Variants in CPLANE1 observed in about 807,000 individuals in gnomAD.
CPLANE1 encodes the protein ciliogenesis and planar polarity effector 1.
CPLANE1 carries 263 observed loss-of-function variants against 362.5 expected under a neutral mutation model. That is an observed-to-expected ratio of 0.73 (90% CI 0.66 to 0.80). CPLANE1 has a LOEUF of 0.80. CPLANE1 is among the 30% of genes least tolerant of loss of function. CPLANE1 has a pLI of 0.00. For synonymous variants in CPLANE1, 1,212 were observed against 1,302.6 expected, an observed-to-expected ratio of 0.93 and a Z score of 1.50; for missense variants, 3,461 against 3,793.4, an observed-to-expected ratio of 0.91 and a Z score of 2.30.
At chr5:37,206,656 C>G (rs1271095512) in intron 16 of CPLANE1, among the ~76,000 whole-genome samples, 2 of 150,426 alleles carry the variant, frequency 1.3e-5, no homozygotes, top group Non-Finnish European at 3.0e-5. Flanking sequence ...AAAAATGAAA[C>G]AAAAGAGAAA....
chr5:37,229,930 A>G (rs1202140610), intron 9 of CPLANE1, among the ~76,000 whole-genome samples: 3 of 152,144 alleles, frequency 2.0e-5, no homozygotes, highest in African/African-American at 7.2e-5. Flanking sequence ...TACTTCTAGC[A>G]CTTTGGGAGG....
chr5:37,210,038 C>A (rs775986494), intron 16 of CPLANE1: 9 of 802,758 alleles, frequency 1.1e-5, no homozygotes, highest in Non-Finnish European at 1.7e-5. Flanking sequence ...TTAAAGATAC[C>A]GAAATAGGAA....
chr5:37,108,625 G>A (rs572656424), intron 51 of CPLANE1, among the ~76,000 whole-genome samples, 154 bp from the exon 52 acceptor site: 4 of 152,234 alleles, frequency 2.6e-5, no homozygotes, highest in Non-Finnish European at 4.4e-5. Flanking sequence ...TTTAGAGTTC[G>A]AACAATTCCT....
chr5:37,160,492 G>A (rs1344987189), intron 38 of CPLANE1, among the ~76,000 whole-genome samples: 2 of 151,216 alleles, frequency 1.3e-5, no homozygotes, highest in Non-Finnish European at 2.9e-5. Flanking sequence ...CCTGGCAGGC[G>A]GAGGCAATCT....
chr5:37,166,292 T>C lies in CPLANE1; in HGVS notation c.7401-621A>G, dbSNP rs567301195. ...CAGCCTTGCTTTTCACATACACATT[T>C]CTTAGTGCCCTGAAACAATTTACAT... is the stretch of plus-strand genomic sequence containing the variant. On this transcript the variant is annotated intron_variant, in intron 35 of 52. Coordinates refer to ENST00000651892, the MANE Select transcript of CPLANE1 (RefSeq NM_001384732.1). Among the ~76,000 whole-genome samples the C allele has an allele frequency of 2.0e-5, 3 of 152,326 alleles. No individual in the cohort carries two copies. The South Asian group carries it at 6.2e-4, about 32-fold the overall frequency.
chr5:37,210,636 C>T, intron 16 of CPLANE1: 1 of 1,598,692 alleles, frequency 6.3e-7, no homozygotes. Context: ...AAAACAAAAC[C>T]ATATGCTGAA....
chr5:37,095,697 A>C, the CPLANE1 span, among the ~76,000 whole-genome samples: 1 of 152,216 alleles, frequency 6.6e-6, no homozygotes, highest in Non-Finnish European at 1.5e-5. Flanking sequence ...TTCCTCCAGA[A>C]AGCTCCTAGA....
intron 7 of CPLANE1, among the ~76,000 whole-genome samples, chr5:37,239,284 A>G (rs1366623412): frequency 6.6e-6 from 1 of 151,074 alleles, no homozygotes; most frequent in Non-Finnish European, 1.5e-5. Flanking sequence ...CCACCAACTT[A>G]AAGAATATAA....
intron 46 of CPLANE1, among the ~76,000 whole-genome samples, chr5:37,137,396 CA>C (rs1768035351): frequency 6.6e-6 from 1 of 152,146 alleles, no homozygotes; most frequent in African/African-American, 2.4e-5. Context: ...CAAACTTTCC[CA>C]CATCTTCCTG....
intron 9 of CPLANE1, among the ~76,000 whole-genome samples, chr5:37,228,090 A>C (rs1187397370): frequency 1.3e-5 from 2 of 152,146 alleles, no homozygotes; most frequent in Non-Finnish European, 2.9e-5. Flanking sequence ...TCAGAAAATA[A>C]TTCAGGCAGT....
chr5:37,154,496 C>CTTGCTT (rs2150640400), intron 41 of CPLANE1, among the ~76,000 whole-genome samples: 1 of 101,128 alleles, frequency 9.9e-6, no homozygotes, highest in African/African-American at 5.9e-5. Flanking sequence ...GAGATAGAGC[C>CTTGCTT]TTGCTTTGTC....
At chr5:37,144,347 G>T (rs908151224) in intron 43 of CPLANE1, among the ~76,000 whole-genome samples, 3 of 148,400 alleles carry the variant, frequency 2.0e-5, no homozygotes, top group Non-Finnish European at 3.0e-5. Context: ...GGAGGAGGCT[G>T]CAGTGAGCCG....
intron 8 of CPLANE1, among the ~76,000 whole-genome samples, chr5:37,231,288 G>A (rs1797672304): frequency 6.6e-6 from 1 of 152,114 alleles, no homozygotes; most frequent in South Asian, 2.1e-4. Flanking sequence ...ATTAAAAAAC[G>A]AAAATATTCG....
chr5:37,180,247 G>T, intron 27 of CPLANE1, 64 bp from the exon 28 acceptor site: 6 of 1,169,558 alleles, frequency 5.1e-6, no homozygotes, highest in Non-Finnish European at 5.6e-6. Context: ...ATTCAGTTTT[G>T]GGTTTTTTTT....
Position 37,213,678 on chromosome 5 carries a change from G to A in CPLANE1, c.2801C>T (p.Ala934Val), listed in dbSNP as rs1303627759. ...CGMVGGVHPE[A>V]AVRVVQSMAR... ...CATGGACTGGACGACTCTCACTGCT[G>A]CCTCAGGATGAACACCGCCCACCAT... The change falls in exon 16 of 53, where the codon GCA becomes GTA. Residue 934 changes from alanine to valine, a missense_variant. Around this residue, in one of 2 missense-constraint regions of CPLANE1, gnomAD observed 3,380 missense variants for 3,666.1 expected, o/e 0.92. Transcript: ENST00000651892. 1.3e-6 allele frequency: 2 copies of A among 1,542,126 alleles called. No homozygotes were observed. The highest frequency in any genetic ancestry group is 1.8e-6 in the Non-Finnish European group (2 of 1,140,956).
At chr5:37,210,800 T>TG in intron 16 of CPLANE1, 1 of 1,155,934 alleles carries the variant, frequency 8.7e-7, no homozygotes, top group Non-Finnish European at 1.3e-6. Context: ...CTCCTGAACT[T>TG]GCGGTCTTTC....
At position 37,146,761 on chromosome 5, in the gene CPLANE1, T is replaced by C. The variant is rs141605290; in HGVS notation, c.8461+1420A>G. On this transcript the variant is annotated intron_variant, in intron 43 of 52. Coordinates refer to ENST00000651892, the MANE Select transcript of CPLANE1 (RefSeq NM_001384732.1). ...AATGATTAAAGTTTGTTGTTGAGTA[T>C]ATGAAAGTTAATTGTATGATTCTGC... is the stretch of plus-strand genomic sequence containing the variant. 2.8e-4 allele frequency among the ~76,000 whole-genome samples: 42 copies of C among 152,230 alleles called. No individual in the cohort carries two copies. The East Asian group carries it at 5.0e-3, about 18-fold the overall frequency.
In CPLANE1 at chr5:37,244,616, G is replaced by C. The variant is rs1366526986; in HGVS notation, c.338-9C>G. On this transcript the variant is annotated splice_polypyrimidine_tract_variant and intron_variant, in intron 4 of 52. Transcript: ENST00000651892. ...CAGTCTCAAAGAGCTTGCTAAAAAA[G>C]TAACAAAAAAAGTAATTAAGCCTCT... 1 of 1,496,332 alleles carries C rather than the reference G, an allele frequency of 6.7e-7. No individual in the cohort carries two copies. The highest frequency in any genetic ancestry group is 1.4e-5 in the African/African-American group (1 of 70,252). 92.7% of individuals were successfully genotyped at this position (1,496,332 alleles called of 1,614,324 possible). A position where few individuals can be genotyped will look rare whatever the true frequency, so the allele number is the denominator to read the frequency against.
chr5:37,155,814 AAGT>A (rs1389319907), intron 41 of CPLANE1, among the ~76,000 whole-genome samples: 1 of 152,240 alleles, frequency 6.6e-6, no homozygotes, highest in Non-Finnish European at 1.5e-5. Flanking sequence ...ACAGAGAGAA[AAGT>A]AAAACGTATC....
Sources: allele counts gnomAD v4.1 joint callset (sites outside exome capture counted in the v4.1 genomes callset), GRCh38; gene constraint gnomAD v4.1.1; regional missense constraint gnomAD v4.1.1; transcripts MANE v1.5; gene names NCBI Gene and HGNC (gene_info 2026-07-23, HGNC 2026-07-21).